The following DLG5 variants were observed in gnomAD, a reference collection of about 807,000 sequenced individuals.
DLG5 encodes the protein disks large homolog 5.
In DLG5, 48 loss-of-function variants were observed where a neutral mutation model predicts 189.8. That is an observed-to-expected ratio of 0.25 (90% CI 0.20 to 0.32). The LOEUF (loss-of-function observed/expected upper bound fraction) is 0.32, where lower values mean the gene tolerates loss of function less well. Ranked by LOEUF, DLG5 falls within the 10% of genes least tolerant of loss-of-function variation. DLG5 has a pLI of 1.00. For missense variants in DLG5, 2,160 were observed against 2,544.7 expected, an observed-to-expected ratio of 0.85 and a Z score of 3.25; for synonymous variants, 1,016 against 1,054.1, an observed-to-expected ratio of 0.96 and a Z score of 0.70.
At chr10:77,940,733 G>A in the DLG5 span, among the ~76,000 whole-genome samples, 1 of 152,114 alleles carries the variant, frequency 6.6e-6, no homozygotes, top group Non-Finnish European at 1.5e-5. Flanking sequence ...CCTCCCTCCT[G>A]ACTGCCCAGG....
intron 1 of DLG5, among the ~76,000 whole-genome samples, chr10:77,893,303 G>C (rs1042516599): frequency 1.3e-5 from 2 of 152,210 alleles, no homozygotes; most frequent in African/African-American, 4.8e-5. Flanking sequence ...GGACTGTCAG[G>C]GGACAAAGGT....
chr10:77,916,590 C>A (rs1362774777), intron 1 of DLG5, among the ~76,000 whole-genome samples: 1 of 152,020 alleles, frequency 6.6e-6, no homozygotes, highest in Non-Finnish European at 1.5e-5. Context: ...CCACGCCCGG[C>A]CAAAAACAAT....
At chr10:77,940,621 A>AT in the DLG5 span, among the ~76,000 whole-genome samples, 1 of 151,790 alleles carries the variant, frequency 6.6e-6, no homozygotes, top group African/African-American at 2.4e-5. Flanking sequence ...CAGTTCCTTC[A>AT]TTTTTTCAGG....
intron 9 of DLG5, among the ~76,000 whole-genome samples, chr10:77,831,481 T>C (rs1253822206): frequency 6.6e-6 from 1 of 152,202 alleles, no homozygotes; most frequent in Non-Finnish European, 1.5e-5. Context: ...TTCTAAAATG[T>C]ATACAAAAAG....
At position 77,842,649 on chromosome 10, in the gene DLG5, T is replaced by G. The variant is rs574801968; in HGVS notation, c.1125-456A>C. ...CTCTGTCCTTCCAGGCCGGGGGACA[T>G]CTTCCACACAGGCAGCCTGCAAATC... On this transcript the variant is annotated intron_variant, in intron 6 of 31. Transcript: ENST00000372391. Among the ~76,000 whole-genome samples, 29 of 152,306 alleles carry G rather than the reference T, an allele frequency of 1.9e-4. 1 individual carries two copies. In the South Asian group the frequency reaches 5.8e-3, roughly 30 times the overall value.
intron 4 of DLG5, 21 bp downstream of exon 4, chr10:77,854,206 G>A (rs1291178418): frequency 1.2e-6 from 2 of 1,612,488 alleles, no homozygotes; most frequent in Admixed American, 3.3e-5. Flanking sequence ...TGGAGGCCCT[G>A]GCCAAGCAGG....
At chr10:77,898,255 C>T (rs1257525173) in intron 1 of DLG5, among the ~76,000 whole-genome samples, 2 of 152,388 alleles carry the variant, frequency 1.3e-5, no homozygotes, top group African/African-American at 4.8e-5. Flanking sequence ...TCCACATCTC[C>T]ACCCTCTACC....
intron 1 of DLG5, among the ~76,000 whole-genome samples, chr10:77,921,204 TAAAC>T (rs1177499603): frequency 2.0e-5 from 3 of 151,874 alleles, no homozygotes; most frequent in African/African-American, 4.8e-5. Flanking sequence ...AATAAGTAAA[TAAAC>T]AAACAAAAGA....
chr10:77,874,076 G>A (rs1300882862), intron 1 of DLG5, among the ~76,000 whole-genome samples: 4 of 152,232 alleles, frequency 2.6e-5, no homozygotes, highest in African/African-American at 9.6e-5. Context: ...TGTCAGCCAG[G>A]TTTCCAACAC....
At chr10:77,826,592 G>T (rs985073061) in intron 13 of DLG5, among the ~76,000 whole-genome samples, 11 of 152,082 alleles carry the variant, frequency 7.2e-5, no homozygotes, top group African/African-American at 2.7e-4. Flanking sequence ...TCACGCCACT[G>T]CACTCCAGCC....
chr10:77,888,272 G>A (rs1845501442), intron 1 of DLG5, among the ~76,000 whole-genome samples: 1 of 152,188 alleles, frequency 6.6e-6, no homozygotes, highest in African/African-American at 2.4e-5. Context: ...AGGAACTTAT[G>A]TGCCTGGCCT....
rs1022798544 is a variant in DLG5 at position 77,792,202 on chromosome 10, T to G, written c.*238A>C. Reference sequence around the variant, plus strand: ...AGGTGGGTGCTGAACCCGTCTTTAGTGTTATCTGTTTTGTGTTAAAGCACA... The same window carrying G: ...AGGTGGGTGCTGAACCCGTCTTTAGGGTTATCTGTTTTGTGTTAAAGCACA... On this transcript the variant is annotated 3_prime_UTR_variant, in exon 32 of 32. Transcript: ENST00000372391. 11 of 557,684 alleles carry G rather than the reference T, an allele frequency of 2.0e-5. No individual in the cohort carries two copies. Among genetic ancestry groups the G allele is most frequent in the Middle Eastern group, 9.6e-4 (2 of 2,078 alleles). 34.5% of individuals were successfully genotyped at this position (557,684 alleles called of 1,614,324 possible).
chr10:77,929,158 C>G (rs999219076), upstream of DLG5: 1 of 152,202 alleles, frequency 6.6e-6, no homozygotes, highest in African/African-American at 2.4e-5. Flanking sequence ...CTGCCTCAGC[C>G]TCCCGAGGAG....
chr10:77,845,423 G>A (rs774741616), intron 5 of DLG5: 19 of 152,196 alleles, frequency 1.2e-4, no homozygotes, highest in Non-Finnish European at 2.8e-4. Context: ...ACTCCCTTTG[G>A]AATTAGGGTC....
chr10:77,915,097 G>T (rs563378381), intron 1 of DLG5, among the ~76,000 whole-genome samples: 18 of 152,322 alleles, frequency 1.2e-4, no homozygotes, highest in African/African-American at 3.6e-4. Context: ...GGGAGGCTAA[G>T]GTAGGTGGAT....
In DLG5 at chr10:77,796,372, G is replaced by A; in HGVS notation, c.5308+79C>T. The A allele has an allele frequency of 6.2e-7, 1 of 1,607,878 alleles. No individual in the cohort carries two copies. The highest frequency in any genetic ancestry group is 2.2e-5 in the East Asian group (1 of 44,800). ...GCCCCCCGGTACTGCCACCCACTGT[G>A]CACAGCTGGGCAGGCAGGTGGACAG... On this transcript the variant is annotated intron_variant, in intron 28 of 31. Coordinates refer to ENST00000372391, the MANE Select transcript of DLG5 (RefSeq NM_004747.4). This position sits in a 1 kb window ranked among gnomAD's most constrained non-coding sequence, Gnocchi z 5.2.
intron 13 of DLG5, among the ~76,000 whole-genome samples, chr10:77,827,434 C>T (rs1842691352): frequency 1.3e-5 from 2 of 152,210 alleles, no homozygotes; most frequent in African/African-American, 4.8e-5. Flanking sequence ...CCACGTTCCC[C>T]AGGCTGGTCT....
chr10:77,806,000 TCTC>T, intron 26 of DLG5, 139 bp from the exon 27 acceptor site: 1 of 795,056 alleles, frequency 1.3e-6, no homozygotes, highest in Non-Finnish European at 2.0e-6. Context: ...CAAGGCTACA[TCTC>T]CTCCCACGCC....
upstream of DLG5, chr10:77,929,336 G>A (rs992124064): frequency 3.9e-5 from 6 of 152,090 alleles, no homozygotes; most frequent in African/African-American, 1.4e-4. Context: ...GTTACCACCC[G>A]GACCAATTTT....
Sources: gnomAD v4.1 joint callset for allele counts (sites outside exome capture counted in the v4.1 genomes callset) on GRCh38, gnomAD v4.1.1 for gene constraint, Gnocchi (gnomAD v3.1) non-coding constraint, MANE v1.5 for transcripts, NCBI Gene and HGNC (gene_info 2026-07-23, HGNC 2026-07-21) for gene names.